RNF216: variants seen among roughly 807,000 people sequenced by gnomAD.
The protein encoded by RNF216 is E3 ubiquitin-protein ligase RNF216.
A neutral mutation model predicts 110.8 loss-of-function variants in RNF216; 72 were observed. The ratio of observed to expected loss-of-function variants is 0.65; its 90% CI spans 0.54 to 0.79. RNF216 has a LOEUF of 0.79. RNF216 is among the 30% of genes least tolerant of loss of function. RNF216 has a pLI of 0.00. For missense variants in RNF216, 1,342 were observed against 1,141.2 expected (o/e 1.18, Z -2.54); for synonymous variants, 495 against 407.5 (o/e 1.21, Z -2.59).
At chr7:5,662,480 G>C (rs376119380) in intron 13 of RNF216, 13 of 152,282 alleles carry the variant, frequency 8.5e-5, no homozygotes, top group African/African-American at 2.6e-4. Flanking sequence ...TTTGGTAATG[G>C]CATTGCTTGA....
chr7:5,741,920 A>T, intron 3 of RNF216, 105 bp from the exon 4 acceptor site: 1 of 1,168,118 alleles, frequency 8.6e-7, no homozygotes, highest in Non-Finnish European at 1.2e-6. Flanking sequence ...AAACAAAAAC[A>T]CCATCTCCCT....
intron 13 of RNF216, among the ~76,000 whole-genome samples, chr7:5,671,805 C>CAAAAAAAAAAAAAAAAAAAAAAAAA (rs11319565): frequency 1.8e-4 from 10 of 54,242 alleles, no homozygotes; most frequent in South Asian, 7.1e-4. Flanking sequence ...AACTCCGTCT[C>CAAAAAAAAAAAAAAAAAAAAAAAAA]AAAAAAAAAA....
At chr7:5,737,301 G>A (rs1349230379) in intron 5 of RNF216, among the ~76,000 whole-genome samples, 3 of 152,138 alleles carry the variant, frequency 2.0e-5, no homozygotes, top group Admixed American at 1.3e-4. Context: ...GATGTGCTGT[G>A]TTAAACACAT....
chr7:5,698,384 T>TACACACACACACACACACAC (rs376096873), intron 13 of RNF216, among the ~76,000 whole-genome samples: 17 of 145,396 alleles, frequency 1.2e-4, no homozygotes, highest in African/African-American at 4.3e-4. Flanking sequence ...GATTCTTTTA[T>TACACACACACACACACACAC]ACACACACAC....
At chr7:5,659,342 C>T (rs982619806) in intron 13 of RNF216, among the ~76,000 whole-genome samples, 1 of 152,110 alleles carries the variant, frequency 6.6e-6, no homozygotes, top group Non-Finnish European at 1.5e-5. Flanking sequence ...GGGGCCTAGT[C>T]AGAGGATGCG....
Position 5,752,743 on chromosome 7 carries a change from G to A in RNF216, c.201+103C>T, listed in dbSNP as rs1584574751. ...ATGGAAAAGGGGCTGTTCTCAGAAC[G>A]AGTACAAGAGGTGCTGTTCTACAAC... On this transcript the variant is annotated intron_variant, in intron 3 of 16. Transcript: ENST00000389902. The A allele has an allele frequency of 1.7e-5, 19 of 1,132,266 alleles. 1 individual carries two copies. In the South Asian group the frequency reaches 1.8e-4, roughly 11 times the overall value. The allele number at this position is 1,132,266 out of a possible 1,614,324, so 70.1% of individuals were successfully genotyped here.
At chr7:5,664,369 C>G (rs1201729105) in intron 13 of RNF216, among the ~76,000 whole-genome samples, 1 of 152,148 alleles carries the variant, frequency 6.6e-6, no homozygotes, top group Non-Finnish European at 1.5e-5. Flanking sequence ...ATGTCTTTCC[C>G]CAATTTAATG....
chr7:5,769,170 T>C (rs527700541), intron 1 of RNF216, among the ~76,000 whole-genome samples: 1 of 148,488 alleles, frequency 6.7e-6, no homozygotes, highest in Non-Finnish European at 1.5e-5. Flanking sequence ...CAGACTGGAG[T>C]GCAGTGGCAC....
chr7:5,729,366 C>T, intron 7 of RNF216, 66 bp downstream of exon 7: 1 of 1,515,814 alleles, frequency 6.6e-7, no homozygotes, highest in Non-Finnish European at 9.1e-7. Flanking sequence ...CTGAACTGTT[C>T]ATTCTGTTAC....
chr7:5,773,252 T>C (rs1405973966), intron 1 of RNF216, among the ~76,000 whole-genome samples: 2 of 152,050 alleles, frequency 1.3e-5, no homozygotes, highest in Non-Finnish European at 2.9e-5. Flanking sequence ...TAAGATTTTT[T>C]TTTTTTTTGA....
chr7:5,653,208 ATCT>A (rs1033614453), intron 13 of RNF216, among the ~76,000 whole-genome samples: 2 of 152,160 alleles, frequency 1.3e-5, no homozygotes, highest in Non-Finnish European at 2.9e-5. Context: ...ATAAACATGC[ATCT>A]TAAATAATCA....
chr7:5,684,415 G>C (rs543961258), intron 13 of RNF216, among the ~76,000 whole-genome samples: 2 of 152,238 alleles, frequency 1.3e-5, no homozygotes, highest in East Asian at 3.9e-4. Flanking sequence ...CCCACAAGCT[G>C]GGCCTTCTAA....
At chr7:5,649,207 C>G (rs1041303016) in intron 14 of RNF216, among the ~76,000 whole-genome samples, 1 of 151,932 alleles carries the variant, frequency 6.6e-6, no homozygotes. Context: ...CCACGGCCGA[C>G]AAAGTAAAAC....
chr7:5,780,986 GC>G (rs1797054539), intron 1 of RNF216, among the ~76,000 whole-genome samples: 1 of 152,212 alleles, frequency 6.6e-6, no homozygotes, highest in South Asian at 2.1e-4. Context: ...AGCCGGGCCA[GC>G]CCCCAGCGCC....
rs1056687238 is a variant in RNF216 at position 5,621,502 on chromosome 7, A to G, written c.*1358T>C. On this transcript the variant is annotated 3_prime_UTR_variant, in exon 17 of 17. Coordinates refer to ENST00000389902, the MANE Select transcript of RNF216 (RefSeq NM_207111.4). The stretch of plus-strand genomic sequence containing the variant: ...TCCTTGAAATACATCTGAGAAGCCA[A>G]TGGCAGCGAATGACGGTGCCCGCCT... The G allele has an allele frequency of 6.6e-6, 1 of 152,236 alleles. No individual in the cohort carries two copies. The highest frequency in any genetic ancestry group is 2.4e-5 in the African/African-American group (1 of 41,458). 9.4% of individuals were successfully genotyped at this position (152,236 alleles called of 1,614,324 possible).
intron 1 of RNF216, among the ~76,000 whole-genome samples, chr7:5,761,876 G>A (rs1402639494): frequency 1.3e-5 from 2 of 152,144 alleles, no homozygotes; most frequent in African/African-American, 4.8e-5. Flanking sequence ...ATACATTGCT[G>A]GTTTGAAGAG....
intron 15 of RNF216, among the ~76,000 whole-genome samples, chr7:5,633,710 G>C (rs1304159665): frequency 2.0e-5 from 3 of 152,218 alleles, no homozygotes; most frequent in Admixed American, 6.5e-5. Flanking sequence ...TGACACAGAA[G>C]ACTCTGGCTT....
chr7:5,652,639 C>T (rs1788467451), intron 13 of RNF216, 129 bp from the exon 14 acceptor site: 1 of 661,140 alleles, frequency 1.5e-6, no homozygotes, highest in South Asian at 1.7e-5. Flanking sequence ...CTCTCCTTTT[C>T]AGGGGGGATA....
chr7:5,627,800 G>A (rs1786807559), intron 15 of RNF216, among the ~76,000 whole-genome samples: 2 of 151,674 alleles, frequency 1.3e-5, no homozygotes, highest in South Asian at 4.2e-4. Flanking sequence ...ACTCTCCCCT[G>A]ATAAAACACG....
Sources: allele counts gnomAD v4.1 joint callset (sites outside exome capture counted in the v4.1 genomes callset), GRCh38; gene constraint gnomAD v4.1.1; transcripts MANE v1.5; gene names NCBI Gene and HGNC (gene_info 2026-07-23, HGNC 2026-07-21).